Variants in PPP2R2B observed in about 807,000 individuals in gnomAD.
The protein encoded by PPP2R2B is protein phosphatase 2 regulatory subunit Bbeta.
A neutral mutation model predicts 46.0 loss-of-function variants in PPP2R2B; 5 were observed. The observed-to-expected ratio is 0.11, with a 90% CI of 0.06 to 0.23. The LOEUF (loss-of-function observed/expected upper bound fraction) is 0.23. PPP2R2B is among the 10% of genes least tolerant of loss of function. The pLI is 1.00. For synonymous variants in PPP2R2B, 215 were observed against 206.7 expected (o/e 1.04, Z -0.34); for missense variants, 367 against 575.0 (o/e 0.64, Z 3.70).
intron 1 of PPP2R2B, among the ~76,000 whole-genome samples, chr5:146,899,565 G>A (rs1762758401): frequency 6.6e-6 from 1 of 151,864 alleles, no homozygotes; most frequent in African/African-American, 2.4e-5. Flanking sequence ...CATGGAACAT[G>A]TATACATATG....
chr5:146,905,378 TTCTTG>T (rs1213247754), intron 1 of PPP2R2B, among the ~76,000 whole-genome samples: 4 of 152,202 alleles, frequency 2.6e-5, no homozygotes, highest in Admixed American at 6.5e-5. Context: ...TACTTGAATG[TTCTTG>T]TCTTAAGTTT....
At chr5:146,990,923 A>G (rs889262573) in intron 1 of PPP2R2B, among the ~76,000 whole-genome samples, 1 of 152,102 alleles carries the variant, frequency 6.6e-6, no homozygotes, top group Non-Finnish European at 1.5e-5. Context: ...ATGAATAGAC[A>G]TTTCTCAAAA....
At chr5:146,742,838 G>T (rs2151222994) in intron 2 of PPP2R2B, among the ~76,000 whole-genome samples, 1 of 152,242 alleles carries the variant, frequency 6.6e-6, no homozygotes, top group African/African-American at 2.4e-5. Flanking sequence ...ACAGAGATGG[G>T]TATGCACACA....
intron 1 of PPP2R2B, among the ~76,000 whole-genome samples, chr5:146,978,227 T>A (rs1172721723): frequency 3.3e-5 from 5 of 152,114 alleles, no homozygotes; most frequent in African/African-American, 7.2e-5. Flanking sequence ...GGGTTTTTTT[T>A]AATTGTAAAT....
In PPP2R2B at chr5:146,580,882, C is replaced by A. The variant is rs1181585584; in HGVS notation, c.*9065G>T. ...ATGGAGTTAATGAATCAACCCCGTG[C>A]TGGTCAAAGTGAAGAGCTTCTTTGA... On this transcript the variant is annotated 3_prime_UTR_variant, in exon 10 of 10. Transcript: ENST00000394411. Among the ~76,000 whole-genome samples, 1 of 152,080 alleles carries A rather than the reference C, an allele frequency of 6.6e-6. No individual in the cohort carries two copies. The highest frequency in any genetic ancestry group is 1.5e-5 in the Non-Finnish European group (1 of 68,016).
chr5:147,008,214 A>T (rs1054873541), intron 1 of PPP2R2B, among the ~76,000 whole-genome samples: 2 of 152,138 alleles, frequency 1.3e-5, no homozygotes, highest in African/African-American at 4.8e-5. Context: ...TGTAGTGACT[A>T]GTTGTCAAAT....
In PPP2R2B at chr5:147,004,687, C is replaced by T. The variant is rs1226370019; in HGVS notation, c.79+50978G>A. 2.0e-5 allele frequency among the ~76,000 whole-genome samples: 3 copies of T among 152,132 alleles called. No homozygotes were observed. In the East Asian group the frequency reaches 5.8e-4, roughly 29 times the overall value. ...GGAGAACGAGTTACCCATTTGTTGT[C>T]CCCTGCTTGAGGAGGGAATCAACCC... On this transcript the variant is annotated intron_variant, in intron 1 of 8. Transcript: ENST00000336640.
chr5:146,834,048 C>T (rs1369894751), intron 2 of PPP2R2B, among the ~76,000 whole-genome samples: 1 of 152,190 alleles, frequency 6.6e-6, no homozygotes. Context: ...TTACATTAAA[C>T]TATGGATTGT....
At chr5:147,045,546 T>C (rs1013479714) in intron 1 of PPP2R2B, among the ~76,000 whole-genome samples, 1 of 152,140 alleles carries the variant, frequency 6.6e-6, no homozygotes, top group Admixed American at 6.6e-5. Flanking sequence ...CATATTTCCA[T>C]CATTAAGCGA....
chr5:146,848,428 G>C (rs373783401), intron 2 of PPP2R2B, among the ~76,000 whole-genome samples: 1 of 151,972 alleles, frequency 6.6e-6, no homozygotes, highest in Non-Finnish European at 1.5e-5. Context: ...GGCTCCTCAG[G>C]CTCCTTGAGG....
chr5:146,619,652 C>G (rs1315242702), intron 7 of PPP2R2B, among the ~76,000 whole-genome samples: 2 of 152,150 alleles, frequency 1.3e-5, no homozygotes, highest in Admixed American at 1.3e-4. Flanking sequence ...ATCAAACATA[C>G]GTCCTCTGTA....
chr5:146,977,561 T>G (rs143458666), intron 1 of PPP2R2B, among the ~76,000 whole-genome samples: 2,463 of 152,214 alleles, frequency 0.016, 19 homozygotes, highest in Non-Finnish European at 0.024. Context: ...GTGTGTGATG[T>G]TCCCCTCACT....
At chr5:146,649,927 C>G (rs962430741) in intron 6 of PPP2R2B, among the ~76,000 whole-genome samples, 1 of 152,138 alleles carries the variant, frequency 6.6e-6, no homozygotes, top group Non-Finnish European at 1.5e-5. Context: ...AGTTCAACCT[C>G]TGAAATTTCA....
rs117766077 is a variant in PPP2R2B at position 146,996,743 on chromosome 5, G to A, written c.79+58922C>T. On this transcript the variant is annotated intron_variant, in intron 1 of 8. Transcript: ENST00000336640. ...TGAGGACAGAGAGAAACAAGTGAAA[G>A]GCAATCCTGAGGTTTCCAATATGGG... 8.9e-4 allele frequency among the ~76,000 whole-genome samples: 135 copies of A among 152,248 alleles called. 1 individual carries two copies. The East Asian group carries it at 0.023, about 26-fold the overall frequency.
intron 1 of PPP2R2B, among the ~76,000 whole-genome samples, chr5:146,956,730 T>C (rs891460457): frequency 2.9e-4 from 44 of 152,136 alleles, no homozygotes. Flanking sequence ...ACAACAAACA[T>C]TTACTTCTCA....
chr5:146,812,457 A>G (rs1349937026), intron 2 of PPP2R2B, among the ~76,000 whole-genome samples: 1 of 115,036 alleles, frequency 8.7e-6, no homozygotes, highest in East Asian at 2.7e-4. Context: ...TCTTCTGAGG[A>G]CTAAGTAACT....
chr5:147,038,453 T>C (rs1274489332), intron 1 of PPP2R2B, among the ~76,000 whole-genome samples: 1 of 152,188 alleles, frequency 6.6e-6, no homozygotes, highest in East Asian at 1.9e-4. Flanking sequence ...CTTTATTAAA[T>C]TACATTGATA....
chr5:146,853,623 A>C (rs1272125382), intron 2 of PPP2R2B, among the ~76,000 whole-genome samples: 3 of 152,144 alleles, frequency 2.0e-5, no homozygotes, highest in Admixed American at 1.3e-4. Context: ...GGCTTAGTAC[A>C]CTACATGGCA....
chr5:146,714,324 G>A (rs1484413684), intron 2 of PPP2R2B, among the ~76,000 whole-genome samples: 5 of 152,044 alleles, frequency 3.3e-5, no homozygotes, highest in Admixed American at 6.6e-5. Context: ...AAACTTGATC[G>A]GAGTAGGTTT....
Sources: allele counts gnomAD v4.1 joint callset (sites outside exome capture counted in the v4.1 genomes callset), GRCh38; gene constraint gnomAD v4.1.1; transcripts MANE v1.5; gene names NCBI Gene and HGNC (gene_info 2026-07-23, HGNC 2026-07-21).